CUX1: variants seen among roughly 807,000 people sequenced by gnomAD.
CUX1 encodes protein CASP.
Under a neutral mutation model 158.8 loss-of-function variants are expected in CUX1, and 31 were observed. That is an observed-to-expected ratio of 0.20 (90% CI 0.15 to 0.26). CUX1 has a LOEUF of 0.26. CUX1 is among the 10% of genes least tolerant of loss of function. The pLI, the probability that CUX1 is intolerant of heterozygous loss-of-function variation, is 1.00. For missense variants in CUX1, 1,589 were observed against 2,014.6 expected (o/e 0.79, Z 4.04); for synonymous variants, 879 against 862.1 (o/e 1.02, Z -0.34).
intron 2 of CUX1, chr7:101,932,633 CT>C (rs1164651194): frequency 4.4e-6 from 2 of 454,330 alleles, no homozygotes; most frequent in South Asian, 3.1e-5. Context: ...GTGATAGCTT[CT>C]GTTTCCTTGA....
At chr7:102,125,914 C>T (rs886811573) in intron 8 of CUX1, 6 of 151,742 alleles carry the variant, frequency 4.0e-5, no homozygotes, top group African/African-American at 1.2e-4. Context: ...CTACAACCTC[C>T]GCCTCCTGGG....
chr7:101,993,298 C>G (rs193237325), intron 2 of CUX1, among the ~76,000 whole-genome samples: 120 of 152,118 alleles, frequency 7.9e-4, no homozygotes, highest in African/African-American at 2.7e-3. Context: ...CCATTGCACT[C>G]CAGCCTGGGT....
At chr7:101,932,311 A>C (rs1316093909) in intron 2 of CUX1, 1 of 211,962 alleles carries the variant, frequency 4.7e-6, no homozygotes, top group East Asian at 1.2e-4. Flanking sequence ...GCGTCAGCCT[A>C]TTTCCCTGGG....
At chr7:101,943,824 A>G (rs1808022741) in intron 2 of CUX1, among the ~76,000 whole-genome samples, 1 of 152,108 alleles carries the variant, frequency 6.6e-6, no homozygotes, top group Non-Finnish European at 1.5e-5. Flanking sequence ...ATATCGTTAA[A>G]TAAGTGAATT....
chr7:101,909,215 G>A (rs889673358), intron 1 of CUX1, among the ~76,000 whole-genome samples: 18 of 149,748 alleles, frequency 1.2e-4, no homozygotes, highest in Non-Finnish European at 2.3e-4. Context: ...TTGGGAGGCC[G>A]AGGCGGGAGG....
chr7:102,180,919 GTATTTTATTTTATTT>G (rs1186410987), intron 11 of CUX1, among the ~76,000 whole-genome samples: 8 of 51,542 alleles, frequency 1.6e-4, no homozygotes, highest in East Asian at 7.0e-4. Flanking sequence ...TTATTTTATT[GTATTTTATTTTATTT>G]TATTTTATTT....
intron 20 of CUX1, among the ~76,000 whole-genome samples, chr7:102,208,237 A>AGTGT (rs60400914): frequency 6.6e-5 from 10 of 150,970 alleles, no homozygotes; most frequent in Admixed American, 5.9e-4. Context: ...CAGTATATGG[A>AGTGT]GTGTGTGTGT....
intron 20 of CUX1, among the ~76,000 whole-genome samples, chr7:102,221,673 G>A (rs1797811777): frequency 6.7e-6 from 1 of 148,912 alleles, no homozygotes; most frequent in Admixed American, 6.7e-5. Flanking sequence ...AGGGCCTTGA[G>A]TCACTATCTC....
chr7:102,183,705 C>T (rs1034779594), intron 11 of CUX1, among the ~76,000 whole-genome samples: 44 of 152,334 alleles, frequency 2.9e-4, no homozygotes, highest in African/African-American at 1.0e-3. Flanking sequence ...AAGACTCCCA[C>T]ACCAACTCTA....
intron 2 of CUX1, among the ~76,000 whole-genome samples, chr7:101,998,290 G>T (rs1054047130): frequency 6.6e-6 from 1 of 152,122 alleles, no homozygotes; most frequent in Non-Finnish European, 1.5e-5. Flanking sequence ...TGCGTGGGCT[G>T]CAGGCACACA....
intron 11 of CUX1, among the ~76,000 whole-genome samples, chr7:102,189,362 G>T (rs1368934140): frequency 5.7e-5 from 6 of 105,302 alleles, no homozygotes; most frequent in Non-Finnish European, 1.0e-4. Context: ...TTTTTTTTGG[G>T]TGCGGGGGGG....
chr7:102,236,985 G>C (rs1055755607), intron 22 of CUX1, among the ~76,000 whole-genome samples: 1 of 152,122 alleles, frequency 6.6e-6, no homozygotes, highest in Middle Eastern at 3.2e-3. Context: ...TGGGGGTGCC[G>C]GCCACAAAGG....
intron 20 of CUX1, among the ~76,000 whole-genome samples, chr7:102,224,203 T>C (rs1798124025): frequency 6.6e-6 from 1 of 151,970 alleles, no homozygotes; most frequent in Non-Finnish European, 1.5e-5. Flanking sequence ...TTCTACATTT[T>C]ATTTATTTAT....
intron 2 of CUX1, among the ~76,000 whole-genome samples, chr7:101,921,193 A>G (rs1172012173): frequency 1.3e-5 from 2 of 152,142 alleles, no homozygotes; most frequent in African/African-American, 4.8e-5. Flanking sequence ...ATACCTCCCA[A>G]AGCCCCAGTT....
chr7:102,194,449 A>C (rs1794585474), intron 13 of CUX1, among the ~76,000 whole-genome samples: 1 of 151,578 alleles, frequency 6.6e-6, no homozygotes, highest in African/African-American at 2.4e-5. Flanking sequence ...AAAAAAAAAA[A>C]AATAGCCAAG....
chr7:101,962,785 A>G (rs899765522), intron 2 of CUX1, among the ~76,000 whole-genome samples: 1 of 152,050 alleles, frequency 6.6e-6, no homozygotes, highest in Non-Finnish European at 1.5e-5. Context: ...CAGTGGTGCA[A>G]TCATAGCTCA....
At position 102,196,693 on chromosome 7, in the gene CUX1, GC is replaced by G. The variant is rs782381199; in HGVS notation, c.1289del (p.Pro430LeufsTer27). 8 of 1,603,516 alleles carry G rather than the reference GC, an allele frequency of 5.0e-6. No homozygotes were observed. Among genetic ancestry groups the G allele is most frequent in the East Asian group, 2.2e-5 (1 of 44,706 alleles). On this transcript the variant is annotated frameshift_variant, in exon 15 of 24. Coordinates refer to ENST00000292535, the MANE Select transcript of CUX1 (RefSeq NM_181552.4). LOFTEE classifies it high-confidence loss of function. The stretch of plus-strand genomic sequence containing the variant: ...AAGTCGGCGCCCGGGATCTTTGCCG[GC>G]CCCCCCTCCTTCTCAGTTGCCCCGC... ...PESRRPGSLPAPPPSQLPRNP... is the reference protein window; with the variant it reads ...PESRRPGSLPXPPPSQLPRNP...
intron 20 of CUX1, among the ~76,000 whole-genome samples, chr7:102,206,100 G>A (rs1197636999): frequency 6.6e-6 from 1 of 152,206 alleles, no homozygotes; most frequent in Non-Finnish European, 1.5e-5. Context: ...GCTCCACGAG[G>A]GGGAACATGT....
chr7:102,139,497 A>T (rs764662646), intron 8 of CUX1, among the ~76,000 whole-genome samples: 18 of 152,158 alleles, frequency 1.2e-4, no homozygotes, highest in Non-Finnish European at 2.4e-4. Flanking sequence ...TGGCTTGTCC[A>T]TTAAGACTCC....
Sources: allele counts gnomAD v4.1 joint callset (sites outside exome capture counted in the v4.1 genomes callset), GRCh38; gene constraint gnomAD v4.1.1; transcripts MANE v1.5; gene names NCBI Gene and HGNC (gene_info 2026-07-23, HGNC 2026-07-21).